The following ANKS1A variants were observed in gnomAD, a reference collection of about 807,000 sequenced individuals.
ANKS1A encodes ankyrin repeat and sterile alpha motif domain containing 1A, also known as ankyrin repeat and SAM domain-containing protein 1A.
ANKS1A carries 55 observed loss-of-function variants against 120.3 expected under a neutral mutation model. The observed-to-expected ratio is 0.46, with a 90% CI of 0.37 to 0.57. ANKS1A has a LOEUF of 0.57. Ranked by LOEUF, ANKS1A falls within the 20% of genes least tolerant of loss-of-function variation. The pLI is 0.00. For synonymous variants in ANKS1A, 590 were observed against 604.7 expected (o/e 0.98, Z 0.36); for missense variants, 1,123 against 1,480.3 (o/e 0.76, Z 3.96).
At chr6:34,930,877 GTCTT>G (rs1270126930) in intron 1 of ANKS1A, among the ~76,000 whole-genome samples, 8 of 150,734 alleles carry the variant, frequency 5.3e-5, no homozygotes, top group African/African-American at 1.7e-4. Context: ...CTCACATAAA[GTCTT>G]TTTTTTTTTT....
chr6:34,985,758 G>T (rs1181306224), intron 8 of ANKS1A, among the ~76,000 whole-genome samples: 1 of 152,116 alleles, frequency 6.6e-6, no homozygotes, highest in East Asian at 1.9e-4. Context: ...GATTCAACAG[G>T]GTTGTAGCAG....
chr6:34,974,365 TCCCTTCCCCTTCCATTTCCCTTC>T (rs1771440395), intron 3 of ANKS1A, among the ~76,000 whole-genome samples: 2 of 53,502 alleles, frequency 3.7e-5, no homozygotes, highest in Non-Finnish European at 7.5e-5. Flanking sequence ...CCCTTCCATT[TCCCTTCCCCTTCCATTTCCCTTC>T]CCCTTCCCCT....
At chr6:34,989,385 T>C (rs988680454) in intron 9 of ANKS1A, 69 bp downstream of exon 9, 2 of 1,400,294 alleles carry the variant, frequency 1.4e-6, no homozygotes, top group Non-Finnish European at 2.0e-6. Flanking sequence ...CGATGTGTGC[T>C]TTAAAAGACT....
intron 10 of ANKS1A, among the ~76,000 whole-genome samples, chr6:35,013,578 A>G (rs1299290159): frequency 6.6e-6 from 1 of 152,158 alleles, no homozygotes; most frequent in East Asian, 1.9e-4. Context: ...TACAGGCGTG[A>G]GCCACCACAC....
chr6:34,974,486 T>C (rs960865039), intron 3 of ANKS1A, among the ~76,000 whole-genome samples: 2 of 151,174 alleles, frequency 1.3e-5, no homozygotes, highest in Admixed American at 6.6e-5. Context: ...TGAAATGCAG[T>C]GATTGGCCTG....
chr6:34,970,169 CG>C lies in ANKS1A; in HGVS notation c.435+5del. ...CACACACCAGAGTCAATGAACAGGT[CG>C]GAAGGAAGGGAGGCTTTCCTTCCTC... On this transcript the variant is annotated splice_donor_region_variant and intron_variant, in intron 3 of 23. Coordinates refer to ENST00000360359, the MANE Select transcript of ANKS1A (RefSeq NM_015245.3). 1 of 1,610,094 alleles carries C rather than the reference CG, an allele frequency of 6.2e-7. No homozygotes were observed. The highest frequency in any genetic ancestry group is 8.5e-7 in the Non-Finnish European group (1 of 1,178,230).
At chr6:34,981,126 A>G (rs1771882914) in intron 3 of ANKS1A, among the ~76,000 whole-genome samples, 1 of 152,092 alleles carries the variant, frequency 6.6e-6, no homozygotes, top group Admixed American at 6.6e-5. Flanking sequence ...TTACCTGGAA[A>G]TGGCTTTTGG....
At chr6:34,994,779 C>G (rs1317967466) in intron 10 of ANKS1A, among the ~76,000 whole-genome samples, 1 of 152,158 alleles carries the variant, frequency 6.6e-6, no homozygotes. Context: ...ACAAGTCAGT[C>G]CCTTTGGGTT....
intron 12 of ANKS1A, among the ~76,000 whole-genome samples, chr6:35,059,371 G>A (rs58928674): frequency 1.1e-4 from 16 of 152,202 alleles, no homozygotes; most frequent in African/African-American, 3.6e-4. Context: ...CCCGAGCCCC[G>A]GCCCATGTGC....
chr6:35,047,970 G>C (rs149501907), intron 11 of ANKS1A, among the ~76,000 whole-genome samples: 27 of 152,344 alleles, frequency 1.8e-4, no homozygotes, highest in African/African-American at 6.5e-4. Context: ...CCAGCTGGTA[G>C]TTGCGGGGTG....
intron 10 of ANKS1A, among the ~76,000 whole-genome samples, chr6:34,995,363 A>C (rs1581615719): frequency 6.7e-6 from 1 of 149,384 alleles, no homozygotes; most frequent in East Asian, 2.1e-4. Context: ...GGTCATTTTC[A>C]TAGTGTTTTT....
At position 34,909,676 on chromosome 6, in the gene ANKS1A, G is replaced by T. The variant is rs533889316; in HGVS notation, c.197+20077G>T. ...AGCTTTGTGATCTTCTGATGGGGGA[G>T]ATAGAGAATAGTGTGATGAGTGCTA... On this transcript the variant is annotated intron_variant, in intron 1 of 23. Transcript: ENST00000360359. Among the ~76,000 whole-genome samples the T allele has an allele frequency of 2.6e-5, 4 of 152,316 alleles. No individual in the cohort carries two copies. The South Asian group carries it at 8.3e-4, about 32-fold the overall frequency.
chr6:34,956,355 G>T (rs887903116), intron 1 of ANKS1A, among the ~76,000 whole-genome samples: 3 of 150,262 alleles, frequency 2.0e-5, no homozygotes, highest in Admixed American at 6.6e-5. Flanking sequence ...CTGTTTTTTT[G>T]GGTTTTTTTT....
rs144505494 is a variant in ANKS1A at position 35,009,816 on chromosome 6, T to C, written c.1424-7657T>C. On this transcript the variant is annotated intron_variant, in intron 10 of 23. Coordinates refer to ENST00000360359, the MANE Select transcript of ANKS1A (RefSeq NM_015245.3). ...TACTTGGGAGGCTGAGTCATGAGAATCATTTGAACCTGGGAAGCAGAGGTT... is the reference window on the plus strand; with the variant it reads ...TACTTGGGAGGCTGAGTCATGAGAACCATTTGAACCTGGGAAGCAGAGGTT... The C allele has an allele frequency of 1.7e-3, 282 of 163,088 alleles. 1 individual carries two copies. The highest frequency in any genetic ancestry group is 7.1e-3 in the African/African-American group (260 of 36,830). The allele number at this position is 163,088 out of a possible 1,614,324, so 10.1% of individuals were successfully genotyped here.
chr6:35,071,629 G>C (rs557233546), intron 13 of ANKS1A, among the ~76,000 whole-genome samples: 1 of 152,158 alleles, frequency 6.6e-6, no homozygotes, highest in Non-Finnish European at 1.5e-5. Flanking sequence ...GGGGGCTGAT[G>C]GTTTTATTTT....
At chr6:35,035,473 T>G (rs1252401242) in intron 11 of ANKS1A, among the ~76,000 whole-genome samples, 1 of 152,212 alleles carries the variant, frequency 6.6e-6, no homozygotes, top group Non-Finnish European at 1.5e-5. Context: ...TGTAAAAGCA[T>G]TTTATTTTTA....
At chr6:35,053,836 G>A (rs753168900) in intron 11 of ANKS1A, among the ~76,000 whole-genome samples, 1 of 152,214 alleles carries the variant, frequency 6.6e-6, no homozygotes, top group African/African-American at 2.4e-5. Flanking sequence ...TGAAAGGGAG[G>A]CTCTTCAGTA....
chr6:34,889,293 T>A lies in ANKS1A; in HGVS notation c.-110T>A. On this transcript the variant is annotated 5_prime_UTR_variant, in exon 1 of 24. Coordinates refer to ENST00000360359, the MANE Select transcript of ANKS1A (RefSeq NM_015245.3). This position sits in a 1 kb window ranked among gnomAD's most constrained non-coding sequence, Gnocchi z 5.5. ...TGGGGAAAAGGCAGGGAGGGGGTGGTGTCCCCAGCCGGTTTGGGGGGTGCG... is the reference window on the plus strand; with the variant it reads ...TGGGGAAAAGGCAGGGAGGGGGTGGAGTCCCCAGCCGGTTTGGGGGGTGCG... 8.3e-7 allele frequency: 1 copy of A among 1,211,432 alleles called. No individual in the cohort carries two copies. 75.0% of individuals were successfully genotyped at this position (1,211,432 alleles called of 1,614,324 possible). A position where few individuals can be genotyped will look rare whatever the true frequency, so the allele number is the denominator to read the frequency against.
At chr6:34,981,424 G>GC (rs1771899749) in intron 3 of ANKS1A, among the ~76,000 whole-genome samples, 1 of 152,086 alleles carries the variant, frequency 6.6e-6, no homozygotes, top group Non-Finnish European at 1.5e-5. Context: ...TTACAACCTG[G>GC]AGACCCTTCC....
Sources: allele counts gnomAD v4.1 joint callset (sites outside exome capture counted in the v4.1 genomes callset), GRCh38; gene constraint gnomAD v4.1.1; non-coding constraint Gnocchi (gnomAD v3.1); transcripts MANE v1.5; gene names NCBI Gene and HGNC (gene_info 2026-07-23, HGNC 2026-07-21).